Variants in RBFOX1 observed in about 807,000 individuals in gnomAD.
The protein encoded by RBFOX1 is RNA binding protein fox-1 homolog 1.
In RBFOX1, 8 loss-of-function variants were observed where a neutral mutation model predicts 57.7. The observed-to-expected ratio is 0.14, with a 90% CI of 0.08 to 0.25. RBFOX1 has a LOEUF of 0.25. Ranked by LOEUF, RBFOX1 falls within the 10% of genes least tolerant of loss-of-function variation. The pLI is 1.00. For missense variants in RBFOX1, 611 were observed against 548.5 expected (o/e 1.11, Z -1.14); for synonymous variants, 326 against 222.4 (o/e 1.47, Z -4.15).
chr16:6,441,191 C>G (rs9933561), intron 2 of RBFOX1, among the ~76,000 whole-genome samples: 2,092 of 152,074 alleles, frequency 0.014, 42 homozygotes, highest in African/African-American at 0.047. Flanking sequence ...AGGGATGGGG[C>G]TAATAATGTC....
chr16:6,846,059 T>C (rs148147524), intron 3 of RBFOX1, among the ~76,000 whole-genome samples: 2 of 152,304 alleles, frequency 1.3e-5, no homozygotes, highest in East Asian at 1.9e-4. Context: ...CACATCACAG[T>C]TGTAATCTGT....
intron 2 of RBFOX1, among the ~76,000 whole-genome samples, chr16:6,648,395 C>A (rs2098550939): frequency 1.3e-5 from 2 of 152,024 alleles, no homozygotes; most frequent in African/African-American, 4.8e-5. Context: ...GTTGCAGACT[C>A]CACGTTGACT....
At chr16:5,372,342 C>G (rs1167962939) in intron 1 of RBFOX1, among the ~76,000 whole-genome samples, 1 of 152,240 alleles carries the variant, frequency 6.6e-6, no homozygotes, top group East Asian at 1.9e-4. Flanking sequence ...TCTTTCTCCC[C>G]CAATAAAGAT....
At chr16:6,267,118 C>T (rs2074605112) in intron 1 of RBFOX1, among the ~76,000 whole-genome samples, 1 of 152,078 alleles carries the variant, frequency 6.6e-6, no homozygotes. Flanking sequence ...AAAATGGAGG[C>T]ACCCACTTGG....
chr16:6,621,445 CAG>C (rs1250819902), intron 2 of RBFOX1, among the ~76,000 whole-genome samples: 2 of 151,890 alleles, frequency 1.3e-5, no homozygotes, highest in African/African-American at 4.8e-5. Flanking sequence ...GCCTGGGTGA[CAG>C]AGCCAGACTC....
chr16:6,493,280 C>T (rs1459084177), intron 2 of RBFOX1, among the ~76,000 whole-genome samples: 1 of 152,042 alleles, frequency 6.6e-6, no homozygotes, highest in African/African-American at 2.4e-5. Context: ...TCAGTATGCT[C>T]TTTGGAATGG....
At chr16:5,991,813 A>T (rs147505737) in intron 4 of RBFOX1, among the ~76,000 whole-genome samples, 2 of 151,994 alleles carry the variant, frequency 1.3e-5, no homozygotes, top group African/African-American at 4.8e-5. Flanking sequence ...AACCTCCTTC[A>T]ACCTTAGCAT....
At chr16:5,588,026 T>C (rs967986748) in intron 2 of RBFOX1, among the ~76,000 whole-genome samples, 1 of 152,080 alleles carries the variant, frequency 6.6e-6, no homozygotes, top group Non-Finnish European at 1.5e-5. Context: ...TTTTCAGCAA[T>C]AAAAAAGGCC....
rs530323769 is a variant in RBFOX1 at position 7,228,133 on chromosome 16, G to T, written c.27+176035G>T. On this transcript the variant is annotated intron_variant, in intron 4 of 15. Transcript: ENST00000550418. ...TCTTACAGGAAGGTGGCAAAGATGA[G>T]AGTATCAGACTGTAAGTTCCGCGAG... Among the ~76,000 whole-genome samples, 3 of 152,246 alleles carry T rather than the reference G, an allele frequency of 2.0e-5. 1 individual carries two copies. The highest frequency in any genetic ancestry group is 2.0e-4 in the Admixed American group (3 of 15,296).
intron 4 of RBFOX1, among the ~76,000 whole-genome samples, chr16:5,875,665 C>T (rs2057588994): frequency 6.6e-6 from 1 of 152,152 alleles, no homozygotes; most frequent in Non-Finnish European, 1.5e-5. Flanking sequence ...AGAACCAATT[C>T]CTGGCGTCTG....
intron 3 of RBFOX1, among the ~76,000 whole-genome samples, chr16:6,966,933 AT>A (rs2084375319): frequency 6.7e-6 from 1 of 148,526 alleles, no homozygotes; most frequent in African/African-American, 2.6e-5. Context: ...CCATCCATCC[AT>A]CCATTGGCCT....
intron 3 of RBFOX1, among the ~76,000 whole-genome samples, chr16:5,823,071 G>T (rs1274006198): frequency 2.0e-5 from 3 of 152,198 alleles, no homozygotes; most frequent in African/African-American, 7.2e-5. Flanking sequence ...AGCCACTGCT[G>T]TACCCCATTT....
At chr16:5,705,357 G>A (rs1398439809) in intron 3 of RBFOX1, among the ~76,000 whole-genome samples, 1 of 152,114 alleles carries the variant, frequency 6.6e-6, no homozygotes, top group Non-Finnish European at 1.5e-5. Context: ...GAACTTCTGG[G>A]CTAAAGCTAT....
intron 2 of RBFOX1, among the ~76,000 whole-genome samples, chr16:6,557,086 TAC>T (rs199944842): frequency 1.4e-5 from 2 of 142,494 alleles, no homozygotes; most frequent in African/African-American, 5.0e-5. Flanking sequence ...CATATATACA[TAC>T]ATATACATAT....
intron 1 of RBFOX1, among the ~76,000 whole-genome samples, chr16:5,460,472 A>G (rs760958625): frequency 7.2e-5 from 11 of 152,344 alleles, no homozygotes; most frequent in Non-Finnish European, 1.6e-4. Context: ...GGGGCACATC[A>G]CATAGATAAG....
chr16:7,096,953 G>A (rs1406973669), intron 4 of RBFOX1, among the ~76,000 whole-genome samples: 7 of 85,076 alleles, frequency 8.2e-5, no homozygotes, highest in East Asian at 8.8e-4. Context: ...AAAAAAAAAA[G>A]GACTGAGAAT....
At chr16:5,388,971 C>G (rs1362109308) in intron 1 of RBFOX1, among the ~76,000 whole-genome samples, 1 of 151,476 alleles carries the variant, frequency 6.6e-6, no homozygotes, top group African/African-American at 2.4e-5. Flanking sequence ...GTGGGCAGAT[C>G]ACGAGGTCAG....
At chr16:5,935,714 A>G (rs1299599018) in intron 4 of RBFOX1, among the ~76,000 whole-genome samples, 1 of 152,200 alleles carries the variant, frequency 6.6e-6, no homozygotes, top group East Asian at 1.9e-4. Context: ...AACAGAATAT[A>G]AGAAATAAAT....
At chr16:6,991,484 A>C (rs750902485) in intron 3 of RBFOX1, among the ~76,000 whole-genome samples, 3 of 152,198 alleles carry the variant, frequency 2.0e-5, no homozygotes, top group Non-Finnish European at 4.4e-5. Flanking sequence ...CCTTTTGAAA[A>C]ATGAATTCCC....
Sources: allele counts gnomAD v4.1 joint callset (sites outside exome capture counted in the v4.1 genomes callset), GRCh38; gene constraint gnomAD v4.1.1; transcripts MANE v1.5; gene names NCBI Gene and HGNC (gene_info 2026-07-23, HGNC 2026-07-21).